ZYG11B: variants seen among roughly 807,000 people sequenced by gnomAD.
ZYG11B encodes protein zyg-11 homolog B.
Under a neutral mutation model 82.4 loss-of-function variants are expected in ZYG11B, and 36 were observed. The observed-to-expected ratio is 0.44, with a 90% CI of 0.33 to 0.58. ZYG11B has a LOEUF of 0.58. Among genes scored for constraint, ZYG11B ranks in the 20% least tolerant of loss-of-function variants. The pLI is 0.02. For synonymous variants in ZYG11B, 303 were observed against 312.8 expected, an observed-to-expected ratio of 0.97 and a Z score of 0.33; for missense variants, 552 against 895.6, an observed-to-expected ratio of 0.62 and a Z score of 4.90.
In ZYG11B at chr1:52,813,521, CTTTT is replaced by C. The variant is rs760756606; in HGVS notation, c.1696-8_1696-5del. On this transcript the variant is annotated splice_polypyrimidine_tract_variant and intron_variant, in intron 10 of 13. Transcript: ENST00000294353. ...CATATTACATTAATTTTTATATTTT[CTTTT>C]TTTTTTCCAGAACAATATAGCTGAA... The C allele has an allele frequency of 2.9e-6, 4 of 1,392,068 alleles. No homozygotes were observed. Among genetic ancestry groups the C allele is most frequent in the Non-Finnish European group, 3.9e-6 (4 of 1,021,054 alleles). 86.2% of individuals were successfully genotyped at this position (1,392,068 alleles called of 1,614,324 possible).
chr1:52,816,738 C>T, intron 13 of ZYG11B, 109 bp downstream of exon 13: 2 of 652,962 alleles, frequency 3.1e-6, no homozygotes, highest in South Asian at 1.7e-5. Context: ...AGAACACTGA[C>T]TTAAAATGTA....
intron 3 of ZYG11B, chr1:52,772,088 A>G: frequency 1.3e-6 from 1 of 796,144 alleles, no homozygotes; most frequent in Non-Finnish European, 2.2e-6. Context: ...TCTTATGATG[A>G]TAATGTTTAG....
rs1553262781 is a variant in ZYG11B, at chr1:52,803,103, T to TATACAC, written c.1695+967_1695+968insCACATA. 5.0e-5 allele frequency among the ~76,000 whole-genome samples: 4 copies of TATACAC among 79,730 alleles called. 1 individual carries two copies. The highest frequency in any genetic ancestry group is 3.8e-4 in the African/African-American group (3 of 7,828). 52.3% of individuals were successfully genotyped at this position (79,730 alleles called of 152,430 possible). A position where few individuals can be genotyped will look rare whatever the true frequency, so the allele number is the denominator to read the frequency against. ...ATATATACACATATATATATACATA[T>TATACAC]ATATATATATATATACACACATATA... On this transcript the variant is annotated intron_variant, in intron 10 of 13. Coordinates refer to ENST00000294353, the MANE Select transcript of ZYG11B (RefSeq NM_024646.3).
Position 52,816,605 on chromosome 1 carries a change from A to G in ZYG11B, c.2020A>G (p.Met674Val). Residue 674 changes from methionine to valine, a missense_variant, in exon 13 of 14, where the codon ATG (methionine) becomes GTG (valine). Around this residue, in one of 3 missense-constraint regions of ZYG11B, gnomAD observed 127 missense variants for 163.4 expected, o/e 0.78. Coordinates refer to ENST00000294353, the MANE Select transcript of ZYG11B (RefSeq NM_024646.3). ...PGVQLWAVWA[M>V]QHVCSKNPSR... ...AGTTCAGCTATGGGCAGTTTGGGCC[A>G]TGCAACATGTCTGCAGCAAGAATCG... is the stretch of plus-strand genomic sequence containing the variant. 1 of 1,611,632 alleles carries G rather than the reference A, an allele frequency of 6.2e-7. No homozygotes were observed. Among genetic ancestry groups the G allele is most frequent in the Non-Finnish European group, 8.5e-7 (1 of 1,179,408 alleles).
At chr1:52,811,196 T>A (rs887646513) in intron 10 of ZYG11B, among the ~76,000 whole-genome samples, 2 of 152,230 alleles carry the variant, frequency 1.3e-5, no homozygotes, top group Non-Finnish European at 2.9e-5. Context: ...ATTTTTTGAA[T>A]GATAAATTTT....
At chr1:52,784,047 A>G (rs1426494557) in intron 4 of ZYG11B, among the ~76,000 whole-genome samples, 1 of 146,118 alleles carries the variant, frequency 6.8e-6, no homozygotes, top group Admixed American at 7.0e-5. Flanking sequence ...GCTTGAGTGC[A>G]ATGGTGTGCT....
At chr1:52,757,303 A>G (rs896735886) in intron 2 of ZYG11B, among the ~76,000 whole-genome samples, 1 of 152,020 alleles carries the variant, frequency 6.6e-6, no homozygotes, top group Non-Finnish European at 1.5e-5. Flanking sequence ...ATGAGCCACC[A>G]TGCCCAGGTG....
At chr1:52,776,229 A>AAAAAAATATATATATATATATAT in intron 3 of ZYG11B, among the ~76,000 whole-genome samples, 2 of 23,542 alleles carry the variant, frequency 8.5e-5, no homozygotes, top group Non-Finnish European at 2.3e-4. Flanking sequence ...TAAAAAAAAA[A>AAAAAAATATATATATATATATAT]ATATATATAT....
chr1:52,816,050 T>C (rs577596774), intron 12 of ZYG11B, among the ~76,000 whole-genome samples: 3 of 152,334 alleles, frequency 2.0e-5, no homozygotes, highest in African/African-American at 7.2e-5. Context: ...TATTTAATTT[T>C]TATTCAACTT....
Position 52,771,885 on chromosome 1 carries a change from C to A in ZYG11B, c.951+111C>A. ...TATGGAACATGTTCATGAAACAGGG[C>A]TGCATATAGTTGAAAGGCTTAGAGT... is the stretch of plus-strand genomic sequence containing the variant. On this transcript the variant is annotated intron_variant, in intron 3 of 13. Transcript: ENST00000294353. This position sits in a 1 kb window ranked among gnomAD's most constrained non-coding sequence, Gnocchi z 5.4. 1.5e-6 allele frequency: 2 copies of A among 1,312,552 alleles called. No individual in the cohort carries two copies. Among genetic ancestry groups the A allele is most frequent in the Non-Finnish European group, 2.1e-6 (2 of 958,324 alleles). The allele number at this position is 1,312,552 out of a possible 1,614,324, so 81.3% of individuals were successfully genotyped here.
intron 13 of ZYG11B, among the ~76,000 whole-genome samples, chr1:52,819,590 A>T (rs550828942): frequency 6.6e-6 from 1 of 152,148 alleles, no homozygotes; most frequent in South Asian, 2.1e-4. Context: ...GATCGAGACC[A>T]TCCTGGCTAA....
chr1:52,746,150 C>T (rs1483101503), intron 1 of ZYG11B, among the ~76,000 whole-genome samples: 8 of 151,796 alleles, frequency 5.3e-5, no homozygotes, highest in South Asian at 2.1e-4. Context: ...TTAGTAGAGA[C>T]GGGGTTTCAC....
intron 10 of ZYG11B, among the ~76,000 whole-genome samples, chr1:52,803,127 TATATATACACAC>T (rs1160776552): frequency 3.8e-4 from 34 of 88,802 alleles, no homozygotes; most frequent in East Asian, 2.1e-3. Context: ...TACACACATA[TATATATACACAC>T]ATATATATAT....
Position 52,813,670 on chromosome 1 carries a change from A to G in ZYG11B, c.1830A>G (p.Ile610Met), listed in dbSNP as rs1433021154. The G allele has an allele frequency of 1.2e-6, 2 of 1,614,050 alleles. No homozygotes were observed. Among genetic ancestry groups the G allele is most frequent in the African/African-American group, 2.7e-5 (2 of 74,934 alleles). Residue 610 changes from isoleucine to methionine, a missense_variant, in exon 11 of 14, where the codon ATA (isoleucine) becomes ATG (methionine). By Grantham distance (10) the Ile-to-Met change is conservative. Around this residue, in one of 3 missense-constraint regions of ZYG11B, gnomAD observed 127 missense variants for 163.4 expected, o/e 0.78. Coordinates refer to ENST00000294353, the MANE Select transcript of ZYG11B (RefSeq NM_024646.3). ...CAGCTGGAATTATTGCCCATTTAAT[A>G]TCCAGAGGTGAACAAGCTTGGACAT... ...YFAAGIIAHLISRGEQAWTLS... is the reference protein window; with the variant it reads ...YFAAGIIAHLMSRGEQAWTLS...
intron 2 of ZYG11B, among the ~76,000 whole-genome samples, chr1:52,759,202 G>A (rs552976322): frequency 3.9e-5 from 6 of 152,220 alleles, no homozygotes; most frequent in African/African-American, 1.4e-4. Flanking sequence ...AAAGTGCTGG[G>A]ATTACAGGCA....
Position 52,783,845 on chromosome 1 carries a change from C to T in ZYG11B, c.1093-1032C>T, listed in dbSNP as rs1213510026. ...ATGTATACATACGTGTGTATATGTACATACACGTGTGTGTGTATGTACATA... is the reference window on the plus strand; with the variant it reads ...ATGTATACATACGTGTGTATATGTATATACACGTGTGTGTGTATGTACATA... On this transcript the variant is annotated intron_variant, in intron 4 of 13. Transcript: ENST00000294353. Among the ~76,000 whole-genome samples the T allele has an allele frequency of 5.0e-5, 7 of 140,578 alleles. 1 individual carries two copies. Among genetic ancestry groups the T allele is most frequent in the African/African-American group, 1.8e-4 (6 of 33,174 alleles). 92.2% of individuals were successfully genotyped at this position (140,578 alleles called of 152,430 possible).
intron 4 of ZYG11B, among the ~76,000 whole-genome samples, chr1:52,783,971 T>A (rs572095732): frequency 3.7e-5 from 2 of 54,540 alleles, no homozygotes; most frequent in African/African-American, 2.5e-4. Flanking sequence ...TACACACATA[T>A]ACACACACAC....
At chr1:52,800,286 AAAG>A (rs1186390753) in intron 8 of ZYG11B, among the ~76,000 whole-genome samples, 1 of 151,936 alleles carries the variant, frequency 6.6e-6, no homozygotes, top group Non-Finnish European at 1.5e-5. Flanking sequence ...AAAAAAAAAA[AAAG>A]AAAAATGATT....
intron 1 of ZYG11B, among the ~76,000 whole-genome samples, chr1:52,727,449 C>T (rs1644295685): frequency 6.6e-6 from 1 of 152,134 alleles, no homozygotes; most frequent in African/African-American, 2.4e-5. Context: ...CATACTGTGA[C>T]CTCAGGAGAG....
Sources: allele counts gnomAD v4.1 joint callset (sites outside exome capture counted in the v4.1 genomes callset), GRCh38; gene constraint gnomAD v4.1.1; regional missense constraint gnomAD v4.1.1; non-coding constraint Gnocchi (gnomAD v3.1); transcripts MANE v1.5; gene names NCBI Gene and HGNC (gene_info 2026-07-23, HGNC 2026-07-21).